UTRN: variants seen among roughly 807,000 people sequenced by gnomAD.
UTRN encodes utrophin.
A neutral mutation model predicts 463.9 loss-of-function variants in UTRN; 283 were observed. That is an observed-to-expected ratio of 0.61 (90% confidence interval 0.55 to 0.67). The LOEUF is 0.67. Ranked by LOEUF, UTRN falls within the 30% of genes least tolerant of loss-of-function variation. UTRN has a pLI of 0.00. For missense variants in UTRN, 3,922 were observed against 4,084.3 expected, an observed-to-expected ratio of 0.96 and a Z score of 1.08; for synonymous variants, 1,442 against 1,431.5, an observed-to-expected ratio of 1.01 and a Z score of -0.17.
At chr6:144,724,742 A>T (rs1359516318) in intron 53 of UTRN, among the ~76,000 whole-genome samples, 1 of 152,132 alleles carries the variant, frequency 6.6e-6, no homozygotes, top group Non-Finnish European at 1.5e-5. Context: ...AAATTCTTCC[A>T]TGTTATAGCA....
chr6:144,686,968 T>G (rs1190541568), intron 52 of UTRN, among the ~76,000 whole-genome samples: 2 of 152,152 alleles, frequency 1.3e-5, no homozygotes, highest in Admixed American at 1.3e-4. Flanking sequence ...TGTTATTGTT[T>G]TATAGACCCA....
At chr6:144,590,459 A>G (rs574483479) in intron 51 of UTRN, among the ~76,000 whole-genome samples, 43 of 152,312 alleles carry the variant, frequency 2.8e-4, no homozygotes, top group Admixed American at 8.5e-4. Context: ...ATTTAAAAGG[A>G]CATAATAGCT....
chr6:144,813,433 C>T (rs112913524), intron 65 of UTRN, among the ~76,000 whole-genome samples: 238 of 152,222 alleles, frequency 1.6e-3, no homozygotes, highest in African/African-American at 5.4e-3. Context: ...GTGATCCGCC[C>T]GCCTCGGCCT....
intron 41 of UTRN, among the ~76,000 whole-genome samples, chr6:144,524,618 G>T (rs1796402078): frequency 6.6e-6 from 1 of 152,076 alleles, no homozygotes; most frequent in South Asian, 2.1e-4. Flanking sequence ...CTAGGTATAT[G>T]ATCATGTTAC....
intron 49 of UTRN, among the ~76,000 whole-genome samples, chr6:144,555,894 C>T (rs535821289): frequency 1.3e-5 from 2 of 152,290 alleles, no homozygotes; most frequent in South Asian, 4.1e-4. Context: ...TTTTCCAAGA[C>T]TTTCATTTGA....
intron 43 of UTRN, among the ~76,000 whole-genome samples, chr6:144,537,097 C>T (rs894949916): frequency 2.0e-5 from 3 of 151,974 alleles, no homozygotes; most frequent in Non-Finnish European, 4.4e-5. Context: ...TTGCTTTGTT[C>T]TTATTCTTTC....
chr6:144,816,276 T>A (rs1307754544), intron 65 of UTRN, among the ~76,000 whole-genome samples: 1 of 152,196 alleles, frequency 6.6e-6, no homozygotes, highest in African/African-American at 2.4e-5. Context: ...ATGTCAGATT[T>A]TTTTTTAATA....
intron 2 of UTRN, among the ~76,000 whole-genome samples, chr6:144,315,413 C>T (rs186653941): frequency 2.0e-4 from 31 of 152,044 alleles, no homozygotes; most frequent in African/African-American, 6.7e-4. Flanking sequence ...AAGGAAGGTT[C>T]GGGTGCTTGA....
At chr6:144,368,064 G>A (rs1779662002) in intron 2 of UTRN, among the ~76,000 whole-genome samples, 1 of 152,168 alleles carries the variant, frequency 6.6e-6, no homozygotes, top group Admixed American at 6.5e-5. Context: ...ACAGCCGTGA[G>A]CCACTGCACC....
chr6:144,314,925 T>C (rs530993139), intron 2 of UTRN, among the ~76,000 whole-genome samples: 5 of 151,232 alleles, frequency 3.3e-5, no homozygotes, highest in African/African-American at 1.2e-4. Context: ...AAAATACCTA[T>C]GTATATATAT....
chr6:144,808,712 G>A (rs916632411), intron 65 of UTRN, among the ~76,000 whole-genome samples: 3 of 151,282 alleles, frequency 2.0e-5, no homozygotes, highest in Non-Finnish European at 2.9e-5. Context: ...TCTACTCTGT[G>A]CTACTATGAG....
chr6:144,838,216 A>G (rs1388011954), intron 71 of UTRN, among the ~76,000 whole-genome samples: 2 of 152,166 alleles, frequency 1.3e-5, no homozygotes, highest in Non-Finnish European at 2.9e-5. Flanking sequence ...TACTCCCTCC[A>G]TCCCATTAGA....
rs139792353 is a variant in UTRN at position 144,335,323 on chromosome 6, G to A, written c.79+43416G>A. Among the ~76,000 whole-genome samples the A allele has an allele frequency of 3.5e-4, 54 of 152,278 alleles. No homozygotes were observed. The East Asian group carries it at 9.6e-3, about 27-fold the overall frequency. On this transcript the variant is annotated intron_variant, in intron 2 of 74. Coordinates refer to ENST00000367545, the MANE Select transcript of UTRN (RefSeq NM_007124.3). ...ATTTCTGGATCGCCCTTTCTCCTTT[G>A]TACCTTCTGACATTGTTTCTGAGTT...
chr6:144,431,994 T>C (rs1273782798), intron 9 of UTRN, among the ~76,000 whole-genome samples: 1 of 152,204 alleles, frequency 6.6e-6, no homozygotes, highest in Non-Finnish European at 1.5e-5. Flanking sequence ...TTTATTTTTT[T>C]AGTATTATAC....
At position 144,852,735 on chromosome 6, in the gene UTRN, A is replaced by C. The variant is rs574314832; in HGVS notation, c.*1738A>C. On this transcript the variant is annotated 3_prime_UTR_variant, in exon 75 of 75. Transcript: ENST00000367545. Reference sequence around the variant, plus strand: ...AGAAAAAACAATTCCCTGAGCTCTCAACTCCAAGTTGTAGATTTGGTGTCT... The same window carrying C: ...AGAAAAAACAATTCCCTGAGCTCTCCACTCCAAGTTGTAGATTTGGTGTCT... The C allele has an allele frequency of 6.5e-6, 1 of 152,730 alleles. No homozygotes were observed. Among genetic ancestry groups the C allele is most frequent in the East Asian group, 1.9e-4 (1 of 5,186 alleles). The allele number at this position is 152,730 out of a possible 1,614,324, so 9.5% of individuals were successfully genotyped here.
At chr6:144,777,492 G>A (rs897281748) in intron 60 of UTRN, among the ~76,000 whole-genome samples, 1 of 152,192 alleles carries the variant, frequency 6.6e-6, no homozygotes, top group Admixed American at 6.5e-5. Context: ...GTAAGAGGAT[G>A]TAATTAGGCA....
chr6:144,725,456 G>A (rs967790605), intron 53 of UTRN, among the ~76,000 whole-genome samples: 1 of 152,156 alleles, frequency 6.6e-6, no homozygotes, highest in Non-Finnish European at 1.5e-5. Flanking sequence ...CTCACCAAAA[G>A]TTGTTATTAT....
chr6:144,453,531 T>A (rs1052615792), intron 18 of UTRN, among the ~76,000 whole-genome samples: 1 of 152,246 alleles, frequency 6.6e-6, no homozygotes, highest in African/African-American at 2.4e-5. Context: ...TCAGGGTATG[T>A]ATGTGAATAG....
rs1554339291 is a variant in UTRN at position 144,690,074 on chromosome 6, G to GTTTTTTTTTTTTTTTT, written c.7653-10006_7653-9991dup. On this transcript the variant is annotated intron_variant, in intron 52 of 74. Coordinates refer to ENST00000367545, the MANE Select transcript of UTRN (RefSeq NM_007124.3). ...GGCCATAGAGCTCCCAAAAGTTTCTGTTTTTTTTTTTTTTTTTTTTTTGTG... is the reference window on the plus strand; with the variant it reads ...GGCCATAGAGCTCCCAAAAGTTTCTGTTTTTTTTTTTTTTTTTTTTTTTTTTTTTTTTTTTTTTGTG... 5.8e-4 allele frequency among the ~76,000 whole-genome samples: 18 copies of GTTTTTTTTTTTTTTTT among 31,280 alleles called. 7 individuals are homozygous for GTTTTTTTTTTTTTTTT. The highest frequency in any genetic ancestry group is 1.1e-3 in the Admixed American group (2 of 1,808). The allele number at this position is 31,280 out of a possible 152,430, so 20.5% of individuals were successfully genotyped here. A position where few individuals can be genotyped will look rare whatever the true frequency, so the allele number is the denominator to read the frequency against.
Sources: gnomAD v4.1 joint callset for allele counts (sites outside exome capture counted in the v4.1 genomes callset) on GRCh38, gnomAD v4.1.1 for gene constraint, MANE v1.5 for transcripts, NCBI Gene and HGNC (gene_info 2026-07-23, HGNC 2026-07-21) for gene names.